The following INSC variants were observed in gnomAD, a reference collection of about 807,000 sequenced individuals.
INSC encodes protein inscuteable homolog.
A neutral mutation model predicts 58.6 loss-of-function variants in INSC; 67 were observed. The observed-to-expected ratio is 1.14, with a 90% CI of 0.94 to 1.40. The LOEUF (loss-of-function observed/expected upper bound fraction) is 1.40. INSC is among the 40% of genes most tolerant of loss of function. The pLI is 0.00. For missense variants in INSC, 714 were observed against 692.0 expected, an observed-to-expected ratio of 1.03 and a Z score of -0.36; for synonymous variants, 262 against 276.1, an observed-to-expected ratio of 0.95 and a Z score of 0.51.
chr11:15,265,619 T>A, the INSC span, among the ~76,000 whole-genome samples: 1 of 151,916 alleles, frequency 6.6e-6, no homozygotes, highest in Non-Finnish European at 1.5e-5. Context: ...CTGAATTATG[T>A]ACTATTACTC....
At chr11:15,264,858 C>T in the INSC span, among the ~76,000 whole-genome samples, 5 of 152,162 alleles carry the variant, frequency 3.3e-5, no homozygotes, top group South Asian at 2.1e-4. Flanking sequence ...GTGTGGACAA[C>T]TTTGGGGTGG....
the INSC span, among the ~76,000 whole-genome samples, chr11:15,255,518 T>C: frequency 2.0e-5 from 3 of 152,232 alleles, no homozygotes; most frequent in Non-Finnish European, 4.4e-5. Flanking sequence ...ATCAGTTCAA[T>C]TTTTAAAGCA....
chr11:15,216,558 G>C (rs1292586739), intron 7 of INSC, among the ~76,000 whole-genome samples: 1 of 152,174 alleles, frequency 6.6e-6, no homozygotes, highest in African/African-American at 2.4e-5. Context: ...TAGAAATGCA[G>C]GGATAGTACT....
At chr11:15,199,220 G>A (rs763223067) in intron 6 of INSC, among the ~76,000 whole-genome samples, 5 of 152,202 alleles carry the variant, frequency 3.3e-5, no homozygotes, top group Non-Finnish European at 5.9e-5. Flanking sequence ...ACGAATGAAT[G>A]TACTAGCCCT....
chr11:15,208,704 A>T (rs1236250081), intron 7 of INSC, among the ~76,000 whole-genome samples: 1 of 152,130 alleles, frequency 6.6e-6, no homozygotes, highest in Non-Finnish European at 1.5e-5. Context: ...TGGAGAAGGG[A>T]TGGGGCTGCC....
At chr11:15,137,996 C>G (rs781336194) in intron 1 of INSC, among the ~76,000 whole-genome samples, 1 of 152,080 alleles carries the variant, frequency 6.6e-6, no homozygotes, top group Non-Finnish European at 1.5e-5. Flanking sequence ...TTCACTTGAA[C>G]ATTTAGAGGG....
intron 1 of INSC, among the ~76,000 whole-genome samples, chr11:15,148,917 A>G (rs1230919807): frequency 6.6e-6 from 1 of 152,254 alleles, no homozygotes; most frequent in African/African-American, 2.4e-5. Flanking sequence ...TTAGAGATAT[A>G]AAGTGGGCTA....
At chr11:15,205,715 G>A (rs577272991) in intron 7 of INSC, among the ~76,000 whole-genome samples, 1 of 152,206 alleles carries the variant, frequency 6.6e-6, no homozygotes, top group Non-Finnish European at 1.5e-5. Flanking sequence ...TTTAACAGAC[G>A]AGGAAACTGA....
At chr11:15,165,759 G>A (rs1177493436) in intron 2 of INSC, among the ~76,000 whole-genome samples, 1 of 152,172 alleles carries the variant, frequency 6.6e-6, no homozygotes, top group Non-Finnish European at 1.5e-5. Flanking sequence ...CATGCTGGGT[G>A]GACATGGCAG....
intron 7 of INSC, among the ~76,000 whole-genome samples, chr11:15,215,925 C>G (rs1314107171): frequency 6.6e-6 from 1 of 152,126 alleles, no homozygotes; most frequent in Non-Finnish European, 1.5e-5. Flanking sequence ...ACCACTTCAG[C>G]TTTAAGTGAA....
At chr11:15,112,591 A>T (rs1590314974), upstream of INSC, 189 of 365,472 alleles carry the variant, frequency 5.2e-4, no homozygotes, top group Middle Eastern at 9.9e-4. Flanking sequence ...GGTGGATGTG[A>T]GTGTGTGTGT....
At chr11:15,112,423 G>A (rs376213053), upstream of INSC, 45 of 1,488,496 alleles carry the variant, frequency 3.0e-5, no homozygotes, top group African/African-American at 5.6e-4. Flanking sequence ...CTGTTCACAG[G>A]GGCCTCTGTA....
chr11:15,249,190 G>A (rs1329032751), downstream of INSC, among the ~76,000 whole-genome samples: 2 of 152,196 alleles, frequency 1.3e-5, no homozygotes, highest in African/African-American at 4.8e-5. Flanking sequence ...CTTTAGAAGA[G>A]AGCAGGGCAG....
At chr11:15,263,959 T>C in the INSC span, among the ~76,000 whole-genome samples, 1 of 150,558 alleles carries the variant, frequency 6.6e-6, no homozygotes, top group Non-Finnish European at 1.5e-5. Flanking sequence ...AATCTTTTGA[T>C]CTTCCCTTTT....
intron 1 of INSC, among the ~76,000 whole-genome samples, chr11:15,133,437 T>A (rs1590342621): frequency 6.6e-6 from 1 of 152,220 alleles, no homozygotes; most frequent in Non-Finnish European, 1.5e-5. Flanking sequence ...TCTAATCAAG[T>A]CCCCTGTCCC....
intron 5 of INSC, among the ~76,000 whole-genome samples, chr11:15,185,855 A>G (rs1314000986): frequency 2.6e-5 from 4 of 152,206 alleles, no homozygotes; most frequent in Non-Finnish European, 5.9e-5. Flanking sequence ...TTTGTTTTTT[A>G]AACTTATGAT....
rs1350509706 is a variant in INSC, at chr11:15,133,775, C to T, written c.-45-15355C>T. On this transcript the variant is annotated intron_variant, in intron 1 of 12. Coordinates refer to ENST00000379556, the MANE Select transcript of INSC (RefSeq NM_001042536.3). ...CTTAGGTTTCCTGGTTCTTCTTTTG[C>T]TTTACTTTTGGCCTCTCCAGATTTC... Among the ~76,000 whole-genome samples, 3 of 152,192 alleles carry T rather than the reference C, an allele frequency of 2.0e-5. No homozygotes were observed. The East Asian group carries it at 5.8e-4, about 29-fold the overall frequency.
chr11:15,116,688 T>C (rs897530515), intron 1 of INSC, among the ~76,000 whole-genome samples: 9 of 152,108 alleles, frequency 5.9e-5, no homozygotes, highest in Admixed American at 2.0e-4. Context: ...GTTAGAAAGA[T>C]GGTATTGAGC....
intron 2 of INSC, among the ~76,000 whole-genome samples, chr11:15,155,442 A>G (rs1848782725): frequency 6.6e-6 from 1 of 152,224 alleles, no homozygotes; most frequent in African/African-American, 2.4e-5. Context: ...TTTGTTTACA[A>G]TTATTTAGTA....
Sources: allele counts gnomAD v4.1 joint callset (sites outside exome capture counted in the v4.1 genomes callset), GRCh38; gene constraint gnomAD v4.1.1; transcripts MANE v1.5; gene names NCBI Gene and HGNC (gene_info 2026-07-23, HGNC 2026-07-21).